AFF1: variants seen among roughly 807,000 people sequenced by gnomAD.
The protein encoded by AFF1 is ALF transcription elongation factor 1.
Under a neutral mutation model 121.7 loss-of-function variants are expected in AFF1, and 48 were observed. The ratio of observed to expected loss-of-function variants is 0.39; its 90% CI spans 0.31 to 0.50. AFF1 has a LOEUF of 0.50. Among genes scored for constraint, AFF1 ranks in the 20% least tolerant of loss-of-function variants. The pLI is 0.76. For missense variants in AFF1, 1,523 were observed against 1,511.7 expected, an observed-to-expected ratio of 1.01 and a Z score of -0.12; for synonymous variants, 613 against 563.0, an observed-to-expected ratio of 1.09 and a Z score of -1.26.
Position 87,127,217 on chromosome 4 carries a change from G to A in AFF1, c.2903+100G>A, listed in dbSNP as rs189375030. The A allele has an allele frequency of 6.9e-4, 750 of 1,086,066 alleles. 3 individuals carry two copies. In the African/African-American group the frequency reaches 0.011, roughly 15 times the overall value. 67.3% of individuals were successfully genotyped at this position (1,086,066 alleles called of 1,614,324 possible). A position where few individuals can be genotyped will look rare whatever the true frequency, so the allele number is the denominator to read the frequency against. On this transcript the variant is annotated intron_variant, in intron 15 of 20. Transcript: ENST00000395146. ...ACTCTGTCACCCAGGCTGGAGTGTA[G>A]TGGCATGATCTTGGCTCACTGCAAC...
intron 4 of AFF1, among the ~76,000 whole-genome samples, chr4:87,055,026 G>A (rs6819155): frequency 0.21 from 31,739 of 152,098 alleles, 3,479 homozygotes; most frequent in East Asian, 0.32. Flanking sequence ...CACCCGGGCT[G>A]GAATGCAGTA....
chr4:86,986,030 T>TAATTC (rs879704329), intron 2 of AFF1, among the ~76,000 whole-genome samples: 24 of 144,046 alleles, frequency 1.7e-4, no homozygotes, highest in African/African-American at 5.1e-4. Context: ...TTTTAAAATT[T>TAATTC]AATTCAATTC....
chr4:86,950,237 G>T, intron 2 of AFF1: 2 of 925,118 alleles, frequency 2.2e-6, no homozygotes, highest in Non-Finnish European at 3.5e-6. Flanking sequence ...GGAGTGCAGT[G>T]CCATGATCTT....
chr4:87,089,085 A>C (rs915853976), intron 5 of AFF1, among the ~76,000 whole-genome samples: 2 of 151,682 alleles, frequency 1.3e-5, no homozygotes, highest in Admixed American at 6.6e-5. Flanking sequence ...GGTCTGACAC[A>C]TGTGGGAACC....
rs562362380 is a variant in AFF1, at chr4:87,058,798, C to T, written c.1059+11204C>T. Among the ~76,000 whole-genome samples the T allele has an allele frequency of 1.6e-3, 240 of 152,048 alleles. 1 individual carries two copies. Among genetic ancestry groups the T allele is most frequent in the African/African-American group, 5.1e-3 (213 of 41,448 alleles). On this transcript the variant is annotated intron_variant, in intron 4 of 20. Transcript: ENST00000395146. ...AGTAGGTAAACACTGTTCCTGCTTC[C>T]TCTCCTCCCCTCCCCTCTACTTGCA...
chr4:87,072,358 G>C (rs867002270), intron 4 of AFF1, among the ~76,000 whole-genome samples: 1 of 71,490 alleles, frequency 1.4e-5, no homozygotes, highest in East Asian at 4.0e-4. Flanking sequence ...GCGAGACTCC[G>C]TCTCAAAAAA....
At chr4:87,012,217 CTTGTTTTT>C (rs1301740613) in intron 2 of AFF1, among the ~76,000 whole-genome samples, 1 of 115,100 alleles carries the variant, frequency 8.7e-6, no homozygotes, top group East Asian at 2.7e-4. Flanking sequence ...CATTTCATTT[CTTGTTTTT>C]TTTTTTTTTT....
intron 4 of AFF1, among the ~76,000 whole-genome samples, chr4:87,071,086 A>C (rs1027245662): frequency 6.6e-6 from 1 of 151,984 alleles, no homozygotes; most frequent in Non-Finnish European, 1.5e-5. Flanking sequence ...TTTAGTAAGA[A>C]CTATGTTATA....
intron 8 of AFF1, among the ~76,000 whole-genome samples, chr4:87,097,736 C>T (rs186636928): frequency 2.0e-5 from 3 of 151,934 alleles, no homozygotes; most frequent in Non-Finnish European, 4.4e-5. Context: ...GGGGGGTAGA[C>T]GTGGTGGTAT....
intron 2 of AFF1, among the ~76,000 whole-genome samples, chr4:86,972,507 GA>G (rs1490495953): frequency 1.3e-5 from 2 of 152,080 alleles, no homozygotes; most frequent in Non-Finnish European, 2.9e-5. Context: ...TTAAAATGAA[GA>G]CAGTTTTGGG....
intron 2 of AFF1, among the ~76,000 whole-genome samples, chr4:86,998,333 G>A (rs1000221549): frequency 2.9e-4 from 44 of 152,158 alleles, no homozygotes; most frequent in Middle Eastern, 3.2e-3. Flanking sequence ...ATTCTTGCAT[G>A]GAGAAGTGGA....
chr4:86,958,903 T>C (rs1721947823), intron 2 of AFF1, among the ~76,000 whole-genome samples: 1 of 152,214 alleles, frequency 6.6e-6, no homozygotes, highest in African/African-American at 2.4e-5. Flanking sequence ...GTCCTACTTC[T>C]TGGATTTGTT....
At chr4:87,009,404 C>T (rs1726499725) in intron 2 of AFF1, among the ~76,000 whole-genome samples, 1 of 152,178 alleles carries the variant, frequency 6.6e-6, no homozygotes, top group Non-Finnish European at 1.5e-5. Context: ...AGAATGATTC[C>T]TGCTAAAATT....
chr4:86,948,394 AGAACTTG>A, intron 1 of AFF1, 97 bp from the exon 2 acceptor site: 1 of 699,988 alleles, frequency 1.4e-6, no homozygotes, highest in Non-Finnish European at 2.3e-6. Context: ...AATTCAAATG[AGAACTTG>A]GAATTCTGTC....
intron 4 of AFF1, among the ~76,000 whole-genome samples, chr4:87,061,325 C>G (rs1221595130): frequency 1.3e-5 from 2 of 152,164 alleles, no homozygotes; most frequent in African/African-American, 4.8e-5. Context: ...AGGACCTATT[C>G]AGAATCTCTG....
intron 19 of AFF1, 53 bp downstream of exon 19, chr4:87,132,461 T>C (rs1348712933): frequency 1.3e-6 from 2 of 1,537,776 alleles, no homozygotes; most frequent in Non-Finnish European, 1.7e-6. Flanking sequence ...TTTCTTTATT[T>C]ACTTCTTGCT....
chr4:87,123,977 C>T (rs1227694416), intron 12 of AFF1, among the ~76,000 whole-genome samples: 1 of 152,220 alleles, frequency 6.6e-6, no homozygotes, highest in Non-Finnish European at 1.5e-5. Flanking sequence ...TGAAGGGTCT[C>T]ACCCATCACT....
chr4:87,120,082 C>T (rs1727529701), intron 12 of AFF1, among the ~76,000 whole-genome samples: 1 of 152,194 alleles, frequency 6.6e-6, no homozygotes, highest in African/African-American at 2.4e-5. Context: ...AGGAGAGCAC[C>T]ACAACCATAT....
rs766717162 is a variant in AFF1 at position 87,127,716 on chromosome 4, C to A, written c.2964+13C>A. 6.2e-7 allele frequency: 1 copy of A among 1,613,214 alleles called. No homozygotes were observed. The highest frequency in any genetic ancestry group is 2.2e-5 in the East Asian group (1 of 44,872). ...AGCAGAGTTAATGGTTAGTATTGGC[C>A]CTTTATCTCTTTGGTAGAATGTTTT... is the stretch of plus-strand genomic sequence containing the variant. On this transcript the variant is annotated intron_variant, in intron 16 of 20. Coordinates refer to ENST00000395146, the MANE Select transcript of AFF1 (RefSeq NM_001166693.3).
Sources: gnomAD v4.1 joint callset for allele counts (sites outside exome capture counted in the v4.1 genomes callset) on GRCh38, gnomAD v4.1.1 for gene constraint, MANE v1.5 for transcripts, NCBI Gene and HGNC (gene_info 2026-07-23, HGNC 2026-07-21) for gene names.